The following CNIH3 variants were observed in gnomAD, a reference collection of about 807,000 sequenced individuals.
CNIH3 encodes the protein protein cornichon homolog 3.
In CNIH3, 14 loss-of-function variants were observed where a neutral mutation model predicts 24.1. The observed-to-expected ratio is 0.58, with a 90% CI of 0.38 to 0.91. The LOEUF (loss-of-function observed/expected upper bound fraction) is 0.91. CNIH3 is among the 40% of genes least tolerant of loss of function. The pLI is 0.00. For synonymous variants in CNIH3, 68 were observed against 73.8 expected (o/e 0.92, Z 0.40); for missense variants, 178 against 196.8 (o/e 0.90, Z 0.57).
intron 1 of CNIH3, among the ~76,000 whole-genome samples, chr1:224,633,542 A>G (rs1558235002): frequency 6.6e-6 from 1 of 152,324 alleles, no homozygotes; most frequent in East Asian, 1.9e-4. Flanking sequence ...CATAAAATGG[A>G]TGGAAAGTCC....
chr1:224,476,446 T>G (rs1676590525), intron 1 of CNIH3, among the ~76,000 whole-genome samples: 1 of 152,134 alleles, frequency 6.6e-6, no homozygotes, highest in African/African-American at 2.4e-5. Context: ...GTGAACAATC[T>G]GAAAAAGAAA....
At chr1:224,452,604 AC>A (rs1467263857) in intron 1 of CNIH3, among the ~76,000 whole-genome samples, 2 of 148,936 alleles carry the variant, frequency 1.3e-5, no homozygotes, top group East Asian at 4.2e-4. Context: ...ACACGGTGAA[AC>A]CCCGTCTCTA....
At chr1:224,723,253 C>A (rs1036536012) in intron 3 of CNIH3, among the ~76,000 whole-genome samples, 4 of 152,146 alleles carry the variant, frequency 2.6e-5, no homozygotes, top group African/African-American at 9.7e-5. Flanking sequence ...ACAGCTAAGT[C>A]CCAACAGGGG....
chr1:224,494,508 A>C (rs906321581), intron 1 of CNIH3, among the ~76,000 whole-genome samples: 1 of 152,196 alleles, frequency 6.6e-6, no homozygotes, highest in African/African-American at 2.4e-5. Context: ...CTGATTTATC[A>C]AGCCTGCTGC....
At chr1:224,688,810 A>G (rs1194513241) in intron 3 of CNIH3, among the ~76,000 whole-genome samples, 1 of 151,766 alleles carries the variant, frequency 6.6e-6, no homozygotes, top group Non-Finnish European at 1.5e-5. Flanking sequence ...CTGTAATCCC[A>G]GCTACTCGGG....
chr1:224,659,586 C>T (rs1685248920), intron 1 of CNIH3, among the ~76,000 whole-genome samples: 1 of 151,988 alleles, frequency 6.6e-6, no homozygotes, highest in South Asian at 2.1e-4. Flanking sequence ...ATGAGTGAAC[C>T]TTATAAAGGA....
At chr1:224,490,699 AATGTACTTTT>A (rs1415719416) in intron 1 of CNIH3, among the ~76,000 whole-genome samples, 1 of 152,198 alleles carries the variant, frequency 6.6e-6, no homozygotes, top group Non-Finnish European at 1.5e-5. Context: ...CCATATCTGT[AATGTACTTTT>A]ATGTGTCACA....
At position 224,684,890 on chromosome 1, in the gene CNIH3, G is replaced by A. The variant is rs1412300249; in HGVS notation, c.198+47G>A. On this transcript the variant is annotated intron_variant, in intron 3 of 5. Coordinates refer to ENST00000272133, the MANE Select transcript of CNIH3 (RefSeq NM_152495.2). This position sits in a 1 kb window ranked among gnomAD's most constrained non-coding sequence, Gnocchi z 4.2. ...CGAGGATGGAGGATCGCATGGTGGT[G>A]GGTGGGCACACAGTGAAAGAGGCTA... The A allele has an allele frequency of 6.4e-7, 1 of 1,570,858 alleles. No homozygotes were observed. Among genetic ancestry groups the A allele is most frequent in the Non-Finnish European group, 8.8e-7 (1 of 1,140,656 alleles).
Position 224,617,166 on chromosome 1 carries a change from C to A in CNIH3, c.-9C>A, listed in dbSNP as rs754693626. ...TTGGCGTGTGTGGTGGGATTGGGGTCCGCCGGCCATGGCCTTCACTTTCGC... is the reference window on the plus strand; with the variant it reads ...TTGGCGTGTGTGGTGGGATTGGGGTACGCCGGCCATGGCCTTCACTTTCGC... On this transcript the variant is annotated 5_prime_UTR_variant, in exon 1 of 6. Coordinates refer to ENST00000272133, the MANE Select transcript of CNIH3 (RefSeq NM_152495.2). 1.9e-6 allele frequency: 3 copies of A among 1,613,708 alleles called. No individual in the cohort carries two copies. The South Asian group carries it at 3.3e-5, about 18-fold the overall frequency.
intron 3 of CNIH3, chr1:224,566,075 A>C (rs1022358203): frequency 1.1e-4 from 16 of 151,770 alleles, no homozygotes; most frequent in African/African-American, 2.7e-4. Context: ...ATTAACTTAG[A>C]AATTCAGTGG....
chr1:224,667,231 A>G (rs1295500829), intron 1 of CNIH3, among the ~76,000 whole-genome samples: 2 of 152,246 alleles, frequency 1.3e-5, no homozygotes, highest in African/African-American at 4.8e-5. Context: ...AAAATGTAAA[A>G]TAATGTAAGA....
chr1:224,580,845 A>G (rs1681246448), intron 4 of CNIH3, among the ~76,000 whole-genome samples: 1 of 152,094 alleles, frequency 6.6e-6, no homozygotes, highest in Non-Finnish European at 1.5e-5. Context: ...GGAACAGTTA[A>G]TTATGTATTC....
intron 1 of CNIH3, among the ~76,000 whole-genome samples, chr1:224,663,016 T>C (rs567508757): frequency 2.6e-5 from 4 of 152,148 alleles, no homozygotes; most frequent in Non-Finnish European, 5.9e-5. Context: ...ACAAAAATAA[T>C]TGTGGTTTTT....
intron 2 of CNIH3, among the ~76,000 whole-genome samples, chr1:224,531,381 A>G (rs1369717887): frequency 1.3e-5 from 2 of 152,188 alleles, no homozygotes; most frequent in Admixed American, 6.5e-5. Flanking sequence ...TGCACTGTGT[A>G]CCTTTATATA....
At chr1:224,574,730 C>T (rs1680962786) in intron 4 of CNIH3, 1 of 1,199,928 alleles carries the variant, frequency 8.3e-7, no homozygotes, top group East Asian at 2.3e-5. Context: ...TGCTCATTGA[C>T]CTGAAGCTGG....
chr1:224,511,786 C>G (rs569800718), upstream of CNIH3, among the ~76,000 whole-genome samples: 1 of 152,048 alleles, frequency 6.6e-6, no homozygotes, highest in African/African-American at 2.4e-5. Flanking sequence ...TTTAGGAGGG[C>G]GAGGCTGCAG....
downstream of CNIH3, among the ~76,000 whole-genome samples, chr1:224,589,442 A>T (rs1572535689): frequency 2.0e-5 from 3 of 152,192 alleles, no homozygotes; most frequent in South Asian, 6.2e-4. Flanking sequence ...GTACTTTTCT[A>T]TGTGCAGGCA....
chr1:224,568,767 G>C (rs1031374927), intron 4 of CNIH3, among the ~76,000 whole-genome samples: 3 of 152,070 alleles, frequency 2.0e-5, no homozygotes, highest in Admixed American at 2.0e-4. Flanking sequence ...AATATAAAAA[G>C]AATTACAGAA....
At chr1:224,574,379 T>G in intron 4 of CNIH3, 1 of 455,708 alleles carries the variant, frequency 2.2e-6, no homozygotes, top group Non-Finnish European at 3.9e-6. Context: ...TTAAGTTGCT[T>G]AAAGAGTCAC....
Sources: gnomAD v4.1 joint callset for allele counts (sites outside exome capture counted in the v4.1 genomes callset) on GRCh38, gnomAD v4.1.1 for gene constraint, Gnocchi (gnomAD v3.1) non-coding constraint, MANE v1.5 for transcripts, NCBI Gene and HGNC (gene_info 2026-07-23, HGNC 2026-07-21) for gene names.